CACNG2: variants seen among roughly 807,000 people sequenced by gnomAD.
The protein encoded by CACNG2 is calcium voltage-gated channel auxiliary subunit gamma 2.
A neutral mutation model predicts 25.9 loss-of-function variants in CACNG2; 3 were observed. The ratio of observed to expected loss-of-function variants is 0.12; its 90% CI spans 0.05 to 0.30. The LOEUF (loss-of-function observed/expected upper bound fraction) is 0.30. Among genes scored for constraint, CACNG2 ranks in the 10% least tolerant of loss-of-function variants. CACNG2 has a pLI of 1.00. For synonymous variants in CACNG2, 167 were observed against 173.3 expected (o/e 0.96, Z 0.29); for missense variants, 341 against 432.5 (o/e 0.79, Z 1.88).
At chr22:36,620,125 C>T (rs1198700050) in intron 1 of CACNG2, among the ~76,000 whole-genome samples, 1 of 152,228 alleles carries the variant, frequency 6.6e-6, no homozygotes, top group Non-Finnish European at 1.5e-5. Flanking sequence ...ACTGCTGAGT[C>T]TAGGAAGGAC....
At chr22:36,639,383 G>A (rs1217334356) in intron 1 of CACNG2, among the ~76,000 whole-genome samples, 3 of 152,356 alleles carry the variant, frequency 2.0e-5, no homozygotes, top group East Asian at 3.9e-4. Context: ...GAGTGCCACA[G>A]AGGCATCTGG....
chr22:36,601,284 C>T (rs1176871072), intron 1 of CACNG2, among the ~76,000 whole-genome samples: 1 of 152,064 alleles, frequency 6.6e-6, no homozygotes, highest in East Asian at 1.9e-4. Context: ...TGGCTTATTT[C>T]ACTTAGCGTA....
chr22:36,668,215 A>G (rs574971979), intron 1 of CACNG2, among the ~76,000 whole-genome samples: 5 of 152,280 alleles, frequency 3.3e-5, no homozygotes, highest in Non-Finnish European at 7.4e-5. Context: ...ATGATCATGC[A>G]CGGCCCGTGC....
At chr22:36,600,339 T>C (rs1242999661) in intron 1 of CACNG2, among the ~76,000 whole-genome samples, 1 of 152,078 alleles carries the variant, frequency 6.6e-6, no homozygotes, top group East Asian at 1.9e-4. Flanking sequence ...GACCTCGAAC[T>C]CTTGGGCTTA....
intron 1 of CACNG2, among the ~76,000 whole-genome samples, chr22:36,645,586 T>C (rs1237293587): frequency 6.6e-6 from 1 of 151,792 alleles, no homozygotes; most frequent in African/African-American, 2.4e-5. Flanking sequence ...GTTTCTGTAT[T>C]ATTATTACAT....
Position 36,682,152 on chromosome 22 carries a change from C to G in CACNG2, c.211+20214G>C, listed in dbSNP as rs1465376878. On this transcript the variant is annotated intron_variant, in intron 1 of 3. Coordinates refer to ENST00000300105, the MANE Select transcript of CACNG2 (RefSeq NM_006078.5). Reference sequence around the variant, plus strand: ...GCTCATTTCTAAGCTTGGGAGGGTTCCCACAGCTTGGCTGAGACTTGGGGG... The same window carrying G: ...GCTCATTTCTAAGCTTGGGAGGGTTGCCACAGCTTGGCTGAGACTTGGGGG... Among the ~76,000 whole-genome samples, 3 of 152,240 alleles carry G rather than the reference C, an allele frequency of 2.0e-5. No homozygotes were observed. In the East Asian group the frequency reaches 5.8e-4, roughly 29 times the overall value.
chr22:36,625,335 G>T (rs1201134743), intron 1 of CACNG2, among the ~76,000 whole-genome samples: 1 of 152,082 alleles, frequency 6.6e-6, no homozygotes, highest in Non-Finnish European at 1.5e-5. Flanking sequence ...TGGATGAGAT[G>T]GCCTTTCTTC....
At chr22:36,669,306 AG>A (rs1444231044) in intron 1 of CACNG2, among the ~76,000 whole-genome samples, 1 of 151,762 alleles carries the variant, frequency 6.6e-6, no homozygotes, top group African/African-American at 2.4e-5. Context: ...GTTTGAGACC[AG>A]CCTGGCCAAC....
chr22:36,654,098 T>G (rs1936668612), intron 1 of CACNG2, among the ~76,000 whole-genome samples: 1 of 151,798 alleles, frequency 6.6e-6, no homozygotes, highest in Admixed American at 6.6e-5. Context: ...CTTTCCTACA[T>G]GCAACCACTG....
At chr22:36,607,642 G>A (rs1293851223) in intron 1 of CACNG2, among the ~76,000 whole-genome samples, 4 of 150,938 alleles carry the variant, frequency 2.7e-5, no homozygotes, top group African/African-American at 7.4e-5. Context: ...CCATGAGAGC[G>A]GAAATAGCTC....
At chr22:36,663,582 A>G (rs1246367756) in intron 1 of CACNG2, among the ~76,000 whole-genome samples, 1 of 152,200 alleles carries the variant, frequency 6.6e-6, no homozygotes, top group Non-Finnish European at 1.5e-5. Flanking sequence ...CATGGTGAAG[A>G]TCACAGGAAC....
chr22:36,635,479 T>C (rs1235533055), intron 1 of CACNG2, among the ~76,000 whole-genome samples: 1 of 152,082 alleles, frequency 6.6e-6, no homozygotes, highest in Non-Finnish European at 1.5e-5. Context: ...ACTGGGCCAC[T>C]TACCATGTCA....
intron 1 of CACNG2, among the ~76,000 whole-genome samples, chr22:36,701,178 T>C (rs1336913292): frequency 6.6e-6 from 1 of 152,148 alleles, no homozygotes; most frequent in Non-Finnish European, 1.5e-5. Flanking sequence ...TATTGGTTCA[T>C]AACAGAAGCA....
rs1382715925 is a variant in CACNG2, at chr22:36,643,520, C to CTATCTATG, written c.212-55973_212-55972insCATAGATA. Among the ~76,000 whole-genome samples, 1,001 of 151,468 alleles carry CTATCTATG rather than the reference C, an allele frequency of 6.6e-3. 22 individuals are homozygous for CTATCTATG. The highest frequency in any genetic ancestry group is 0.024 in the African/African-American group (979 of 41,310). Reference sequence around the variant, plus strand: ...TCTATCTATCTATCTATCTATCTATCTATCCATCATGTGCAGTGACCTGAA... The same window carrying CTATCTATG: ...TCTATCTATCTATCTATCTATCTATCTATCTATGTATCCATCATGTGCAGTGACCTGAA... On this transcript the variant is annotated intron_variant, in intron 1 of 3. Coordinates refer to ENST00000300105, the MANE Select transcript of CACNG2 (RefSeq NM_006078.5).
At chr22:36,589,504 C>A (rs1935554738) in intron 1 of CACNG2, among the ~76,000 whole-genome samples, 1 of 152,148 alleles carries the variant, frequency 6.6e-6, no homozygotes, top group Admixed American at 6.5e-5. Flanking sequence ...TGATTATATG[C>A]TGCATATAAT....
At chr22:36,685,572 C>T (rs1438448409) in intron 1 of CACNG2, among the ~76,000 whole-genome samples, 1 of 152,182 alleles carries the variant, frequency 6.6e-6, no homozygotes, top group East Asian at 1.9e-4. Context: ...TGGTGTCAGG[C>T]ACCTCGGCTG....
chr22:36,588,006 T>C (rs1935531942), intron 1 of CACNG2, among the ~76,000 whole-genome samples: 1 of 152,218 alleles, frequency 6.6e-6, no homozygotes, highest in Non-Finnish European at 1.5e-5. Flanking sequence ...GCCACAGCCC[T>C]TTAGAAGAGC....
intron 1 of CACNG2, among the ~76,000 whole-genome samples, chr22:36,615,238 G>A (rs1372573983): frequency 1.3e-5 from 2 of 152,236 alleles, no homozygotes; most frequent in African/African-American, 4.8e-5. Flanking sequence ...TACAAGGTTT[G>A]TAGTGATTGG....
chr22:36,634,058 GAC>G (rs1936318319), intron 1 of CACNG2, among the ~76,000 whole-genome samples: 1 of 152,200 alleles, frequency 6.6e-6, no homozygotes, highest in Non-Finnish European at 1.5e-5. Flanking sequence ...ATACAGACTT[GAC>G]AGTGAATTCT....
Sources: allele counts gnomAD v4.1 joint callset (sites outside exome capture counted in the v4.1 genomes callset), GRCh38; gene constraint gnomAD v4.1.1; transcripts MANE v1.5; gene names NCBI Gene and HGNC (gene_info 2026-07-23, HGNC 2026-07-21).